The following RORC variants were observed in gnomAD, a reference collection of about 807,000 sequenced individuals.
The protein encoded by RORC is RAR related orphan receptor C.
In RORC, 13 loss-of-function variants were observed where a neutral mutation model predicts 64.5. The observed-to-expected ratio is 0.20, with a 90% CI of 0.13 to 0.32. The LOEUF is 0.32. Ranked by LOEUF, RORC falls within the 10% of genes least tolerant of loss-of-function variation. The pLI, the probability that RORC is intolerant of heterozygous loss-of-function variation, is 1.00. For missense variants in RORC, 468 were observed against 669.5 expected (o/e 0.70, Z 3.32); for synonymous variants, 277 against 259.3 (o/e 1.07, Z -0.65).
At chr1:151,820,220 T>A (rs149301019) in intron 2 of RORC, among the ~76,000 whole-genome samples, 1 of 150,762 alleles carries the variant, frequency 6.6e-6, no homozygotes, top group Non-Finnish European at 1.5e-5. Context: ...TACATGAGGG[T>A]GTGTGTTACT....
At chr1:151,818,199 G>A (rs1651845443) in intron 2 of RORC, among the ~76,000 whole-genome samples, 1 of 152,184 alleles carries the variant, frequency 6.6e-6, no homozygotes, top group Non-Finnish European at 1.5e-5. Context: ...TTTCCATTAT[G>A]CTGTTCTGTG....
chr1:151,819,766 G>A (rs927217966), intron 2 of RORC, among the ~76,000 whole-genome samples: 4 of 152,050 alleles, frequency 2.6e-5, no homozygotes, highest in African/African-American at 9.7e-5. Flanking sequence ...GTGTCACCAA[G>A]ACCTTGACCT....
intron 4 of RORC, among the ~76,000 whole-genome samples, chr1:151,816,403 A>T (rs1053127164): frequency 4.6e-5 from 7 of 152,208 alleles, no homozygotes; most frequent in South Asian, 2.1e-4. Context: ...CGTTCCAAGT[A>T]AGAAGAGATG....
chr1:151,808,903 A>G (rs1235659699), intron 10 of RORC, among the ~76,000 whole-genome samples: 1 of 152,234 alleles, frequency 6.6e-6, no homozygotes, highest in Non-Finnish European at 1.5e-5. Context: ...GGTGACTACA[A>G]TAGCAGGTAC....
intron 1 of RORC, among the ~76,000 whole-genome samples, chr1:151,829,884 A>C (rs1379800971): frequency 6.6e-6 from 1 of 152,092 alleles, no homozygotes; most frequent in Non-Finnish European, 1.5e-5. Flanking sequence ...ACCAACTGTC[A>C]CCTAACTGCT....
chr1:151,817,399 C>G (rs1294652980), intron 2 of RORC, 119 bp from the exon 3 acceptor site: 3 of 691,856 alleles, frequency 4.3e-6, no homozygotes, highest in Non-Finnish European at 7.8e-6. Context: ...CCAGCTCCAG[C>G]TTGCTGTTTC....
Position 151,807,878 on chromosome 1 carries a change from T to A in RORC, c.1396-245A>T, listed in dbSNP as rs558489700. Among the ~76,000 whole-genome samples the A allele has an allele frequency of 1.7e-4, 26 of 152,318 alleles. No individual in the cohort carries two copies. The highest frequency in any genetic ancestry group is 6.0e-4 in the African/African-American group (25 of 41,556). On this transcript the variant is annotated intron_variant, in intron 10 of 10. Coordinates refer to ENST00000318247, the MANE Select transcript of RORC (RefSeq NM_005060.4). The surrounding 1 kb of genome is among the most constrained non-coding windows in gnomAD (Gnocchi z 5.0). ...TGAAGCCCTCAATTTATGTTCCCAA[T>A]ACTTCTAGAATGAACCTTGTCAAAG...
chr1:151,816,716 T>A lies in RORC; in HGVS notation c.246A>T (p.Arg82=), dbSNP rs1050630219. 6.2e-7 allele frequency: 1 copy of A among 1,605,736 alleles called. No individual in the cohort carries two copies. The highest frequency in any genetic ancestry group is 8.5e-7 in the Non-Finnish European group (1 of 1,176,084). ...NCPIDRTSRN[R]CQHCRLQKCL... ...ATTTCTGCAGGCGGCAGTGCTGGCA[T>A]CGGTTTCGGCTGGTGCGGTCGATGG... Residue 82 remains arginine (R), a synonymous_variant, in exon 4 of 11, where the codon CGA becomes CGT. Coordinates refer to ENST00000318247, the MANE Select transcript of RORC (RefSeq NM_005060.4).
intron 2 of RORC, among the ~76,000 whole-genome samples, chr1:151,817,959 T>G (rs575450752): frequency 1.5e-4 from 23 of 152,382 alleles, no homozygotes; most frequent in Middle Eastern, 3.4e-3. Context: ...GAGGGTGGCT[T>G]TGTGTACATC....
chr1:151,811,183 C>T, intron 10 of RORC, 142 bp downstream of exon 10: 1 of 518,700 alleles, frequency 1.9e-6, no homozygotes. Flanking sequence ...CCCTTAGTTC[C>T]CACTGCTGAT....
chr1:151,817,384 T>C lies in RORC; in HGVS notation c.71-104A>G, dbSNP rs139073303. On this transcript the variant is annotated intron_variant, in intron 2 of 10. Coordinates refer to ENST00000318247, the MANE Select transcript of RORC (RefSeq NM_005060.4). Reference sequence around the variant, plus strand: ...AGGTACCTGGTGCTTCCACTACTTCTCCAACCAGCTCCAGCTTGCTGTTTC... The same window carrying C: ...AGGTACCTGGTGCTTCCACTACTTCCCCAACCAGCTCCAGCTTGCTGTTTC... 464 of 734,180 alleles carry C rather than the reference T, an allele frequency of 6.3e-4. 1 individual carries two copies. The African/African-American group carries it at 7.1e-3, about 11-fold the overall frequency. The allele number at this position is 734,180 out of a possible 1,614,324, so 45.5% of individuals were successfully genotyped here. A position where few individuals can be genotyped will look rare whatever the true frequency, so the allele number is the denominator to read the frequency against.
At position 151,813,234 on chromosome 1, in the gene RORC, C is replaced by G; in HGVS notation, c.1174+5G>C. ...TCTTCCCTCTCATTTCTCCCTGCCC[C>G]TCACCCAAGGCTCGGAACAGCTCCA... On this transcript the variant is annotated splice_donor_5th_base_variant and intron_variant, in intron 8 of 10. Transcript: ENST00000318247. 6.2e-7 allele frequency: 1 copy of G among 1,612,640 alleles called. No homozygotes were observed. Among genetic ancestry groups the G allele is most frequent in the Non-Finnish European group, 8.5e-7 (1 of 1,178,634 alleles).
At position 151,814,679 on chromosome 1, in the gene RORC, G is replaced by A. The variant is rs150459022; in HGVS notation, c.828C>T (p.Ser276=). 46 of 1,610,054 alleles carry A rather than the reference G, an allele frequency of 2.9e-5. No homozygotes were observed. The African/African-American group carries it at 5.1e-4, about 18-fold the overall frequency. ...SLTEIEHLVQ[S]VCKSYRETCQ... ...ATGTCTCCCTGTAGGACTTGCAGACGCTCTGCACCAGGTGCTCTGGGGCCG... is the reference window on the plus strand; with the variant it reads ...ATGTCTCCCTGTAGGACTTGCAGACACTCTGCACCAGGTGCTCTGGGGCCG... The change falls in exon 6 of 11, where the codon AGC becomes AGT. Residue 276 remains serine (S), a synonymous_variant. Transcript: ENST00000318247.
At chr1:151,826,027 G>T in intron 2 of RORC, 3 of 1,599,348 alleles carry the variant, frequency 1.9e-6, no homozygotes, top group Non-Finnish European at 2.5e-6. Context: ...CAGAGGCGGG[G>T]CGAGGCCCTC....
Position 151,817,073 on chromosome 1 carries a change from C to T in RORC, c.156+122G>A, listed in dbSNP as rs374559639. On this transcript the variant is annotated intron_variant, in intron 3 of 10. Transcript: ENST00000318247. ...CAGGAGATCATCCCTGGAGTCAGAA[C>T]AAAGGCCATTAACCCCCTTGTTTAT... is the stretch of plus-strand genomic sequence containing the variant. 6 of 843,858 alleles carry T rather than the reference C, an allele frequency of 7.1e-6. No individual in the cohort carries two copies. The African/African-American group carries it at 1.0e-4, about 14-fold the overall frequency. The allele number at this position is 843,858 out of a possible 1,614,324, so 52.3% of individuals were successfully genotyped here. A position where few individuals can be genotyped will look rare whatever the true frequency, so the allele number is the denominator to read the frequency against.
intron 9 of RORC, 69 bp from the exon 10 acceptor site, chr1:151,811,503 G>T (rs1651530759): frequency 2.1e-6 from 2 of 946,734 alleles, no homozygotes; most frequent in Non-Finnish European, 1.7e-6. Flanking sequence ...ACAAAAGGGT[G>T]TATCTTTGTG....
intron 10 of RORC, 35 bp downstream of exon 10, chr1:151,811,290 G>A (rs772394939): frequency 2.1e-6 from 3 of 1,396,386 alleles, no homozygotes; most frequent in South Asian, 2.3e-5. Flanking sequence ...GCTAGCGATG[G>A]GCCTGGCCTC....
Position 151,815,212 on chromosome 1 carries a change from G to A in RORC, c.512C>T (p.Ala171Val), listed in dbSNP as rs769279954. Residue 171 changes from alanine to valine, a missense_variant, in exon 5 of 11, where the codon GCC (alanine) becomes GTC (valine). Around this residue, in one of 5 missense-constraint regions of RORC, gnomAD observed 241 missense variants for 295.5 expected, o/e 0.82. Transcript: ENST00000318247. ...GSSPDLPEAS[A>V]CPPGLLKASG... Reference sequence around the variant, plus strand: ...GGCTTTCAGGAGGCCAGGGGGACAGGCAGAAGCCTCAGGCAGGTCAGGCGA... The same window carrying A: ...GGCTTTCAGGAGGCCAGGGGGACAGACAGAAGCCTCAGGCAGGTCAGGCGA... 6.2e-7 allele frequency: 1 copy of A among 1,613,764 alleles called. No individual in the cohort carries two copies. Among genetic ancestry groups the A allele is most frequent in the East Asian group, 2.2e-5 (1 of 44,882 alleles).
chr1:151,825,274 A>C (rs373284024), intron 2 of RORC, among the ~76,000 whole-genome samples: 35 of 151,952 alleles, frequency 2.3e-4, no homozygotes, highest in South Asian at 1.0e-3. Context: ...CACACACCCC[A>C]CACACACACG....
Sources: allele counts gnomAD v4.1 joint callset (sites outside exome capture counted in the v4.1 genomes callset), GRCh38; gene constraint gnomAD v4.1.1; regional missense constraint gnomAD v4.1.1; non-coding constraint Gnocchi (gnomAD v3.1); transcripts MANE v1.5; gene names NCBI Gene and HGNC (gene_info 2026-07-23, HGNC 2026-07-21).